The following ANKRD13C variants were observed in gnomAD, a reference collection of about 807,000 sequenced individuals.
ANKRD13C encodes ankyrin repeat domain 13C, also known as ankyrin repeat domain-containing protein 13C.
Under a neutral mutation model 65.5 loss-of-function variants are expected in ANKRD13C, and 16 were observed. The ratio of observed to expected loss-of-function variants is 0.24; its 90% confidence interval spans 0.17 to 0.37. The LOEUF (loss-of-function observed/expected upper bound fraction) is 0.37, where lower values mean the gene tolerates loss of function less well. Ranked by LOEUF, ANKRD13C falls within the 10% of genes least tolerant of loss-of-function variation. ANKRD13C has a pLI of 1.00. For synonymous variants in ANKRD13C, 235 were observed against 238.7 expected (o/e 0.98, Z 0.14); for missense variants, 503 against 655.9 (o/e 0.77, Z 2.55).
intron 11 of ANKRD13C, among the ~76,000 whole-genome samples, chr1:70,272,377 C>T (rs1572025672): frequency 1.3e-5 from 2 of 151,854 alleles, no homozygotes; most frequent in South Asian, 4.2e-4. Flanking sequence ...TGCACCACCA[C>T]ACCCGGCCAA....
At chr1:70,274,473 C>CAAAAAAAAAAAAAAAAAA (rs769480539) in intron 11 of ANKRD13C, among the ~76,000 whole-genome samples, 1 of 38,666 alleles carries the variant, frequency 2.6e-5, no homozygotes, top group Non-Finnish European at 5.6e-5. Flanking sequence ...GACTCCATCT[C>CAAAAAAAAAAAAAAAAAA]AAAAAAAAAA....
chr1:70,315,774 T>TCCA (rs1681048194), intron 3 of ANKRD13C, among the ~76,000 whole-genome samples: 1 of 152,130 alleles, frequency 6.6e-6, no homozygotes. Context: ...GAAGGCCTCT[T>TCCA]GGAACAGTAA....
intron 1 of ANKRD13C, among the ~76,000 whole-genome samples, chr1:70,346,624 C>G (rs1682536807): frequency 1.3e-5 from 2 of 152,148 alleles, no homozygotes; most frequent in African/African-American, 4.8e-5. Flanking sequence ...TCTGCATTCT[C>G]TCTCAAAAAT....
At chr1:70,340,050 A>G (rs1682243725) in intron 1 of ANKRD13C, among the ~76,000 whole-genome samples, 1 of 151,710 alleles carries the variant, frequency 6.6e-6, no homozygotes, top group South Asian at 2.1e-4. Context: ...ATGTCTCACT[A>G]TGCTGCCCAA....
At chr1:70,273,023 A>AAAT (rs1020379848) in intron 11 of ANKRD13C, among the ~76,000 whole-genome samples, 12 of 150,596 alleles carry the variant, frequency 8.0e-5, no homozygotes, top group African/African-American at 2.0e-4. Context: ...ATAAATAAAT[A>AAAT]AAATAATAAA....
In ANKRD13C at chr1:70,296,122, G is replaced by A. The variant is rs1277519508; in HGVS notation, c.1053+8C>T. The A allele has an allele frequency of 1.1e-5, 18 of 1,610,952 alleles. No homozygotes were observed. The highest frequency in any genetic ancestry group is 1.5e-5 in the Non-Finnish European group (18 of 1,179,170). On this transcript the variant is annotated splice_region_variant and intron_variant, in intron 8 of 12. Coordinates refer to ENST00000370944, the MANE Select transcript of ANKRD13C (RefSeq NM_030816.5). ...GCTTAAAGTTTAAAAATCTAGATTT[G>A]CACATACTGTTTTATCTTCCCGAAA...
intron 2 of ANKRD13C, among the ~76,000 whole-genome samples, chr1:70,330,261 G>C (rs975330794): frequency 2.6e-5 from 4 of 152,040 alleles, no homozygotes; most frequent in African/African-American, 9.7e-5. Flanking sequence ...ATGAGGAATA[G>C]AAATCACACA....
chr1:70,339,101 T>C (rs1389599497), intron 1 of ANKRD13C, among the ~76,000 whole-genome samples: 3 of 151,684 alleles, frequency 2.0e-5, no homozygotes, highest in Non-Finnish European at 2.9e-5. Context: ...ATCCAGCTGC[T>C]TGGGAAGCCG....
intron 2 of ANKRD13C, among the ~76,000 whole-genome samples, chr1:70,329,782 T>G (rs1021112095): frequency 6.6e-6 from 1 of 151,170 alleles, no homozygotes; most frequent in African/African-American, 2.4e-5. Context: ...TATGACATAG[T>G]CTTATAATTT....
chr1:70,315,678 CATGT>C lies in ANKRD13C; in HGVS notation c.578-116_578-113del. ...ATACATGTACACATATATGCACGTG[CATGT>C]ATGTGTGTATGTGTATGTGTGTATC... is the stretch of plus-strand genomic sequence containing the variant. On this transcript the variant is annotated intron_variant, in intron 3 of 12. Transcript: ENST00000370944. 7.9e-6 allele frequency: 6 copies of C among 762,270 alleles called. No individual in the cohort carries two copies. The South Asian group carries it at 1.2e-4, about 16-fold the overall frequency. 47.2% of individuals were successfully genotyped at this position (762,270 alleles called of 1,614,324 possible).
chr1:70,293,508 CAA>C (rs1384602852), intron 8 of ANKRD13C: 1 of 975,220 alleles, frequency 1.0e-6, no homozygotes, highest in Non-Finnish European at 1.2e-6. Flanking sequence ...CCTTACCTGT[CAA>C]AGATTTAAGA....
intron 8 of ANKRD13C, among the ~76,000 whole-genome samples, chr1:70,293,961 GA>G (rs1679968053): frequency 6.6e-6 from 1 of 152,184 alleles, no homozygotes; most frequent in African/African-American, 2.4e-5. Flanking sequence ...TATAATGGCA[GA>G]AAACTGGACA....
At chr1:70,350,827 C>T (rs1572191381) in intron 1 of ANKRD13C, among the ~76,000 whole-genome samples, 1 of 152,184 alleles carries the variant, frequency 6.6e-6, no homozygotes, top group East Asian at 1.9e-4. Flanking sequence ...TTCCTTGCCT[C>T]TCTAGGCTTA....
At chr1:70,290,365 G>A (rs1438557990) in intron 9 of ANKRD13C, among the ~76,000 whole-genome samples, 1 of 152,110 alleles carries the variant, frequency 6.6e-6, no homozygotes, top group Non-Finnish European at 1.5e-5. Context: ...AGCAATTCAA[G>A]CCTCTTTGTA....
At chr1:70,317,176 T>G (rs1445383411) in intron 3 of ANKRD13C, among the ~76,000 whole-genome samples, 1 of 152,236 alleles carries the variant, frequency 6.6e-6, no homozygotes, top group South Asian at 2.1e-4. Flanking sequence ...CAATATATTT[T>G]AAAAAGCCAA....
chr1:70,287,947 C>T (rs989015606), intron 9 of ANKRD13C, among the ~76,000 whole-genome samples: 2 of 152,100 alleles, frequency 1.3e-5, no homozygotes, highest in Admixed American at 6.5e-5. Context: ...TGAGTTGAGG[C>T]GGTCAAGGCT....
intron 1 of ANKRD13C, among the ~76,000 whole-genome samples, chr1:70,345,195 C>T (rs143747206): frequency 7.2e-5 from 11 of 152,062 alleles, no homozygotes; most frequent in African/African-American, 1.2e-4. Flanking sequence ...TTTGGGAGGA[C>T]GAGGCAAGCA....
rs57312096 is a variant in ANKRD13C, at chr1:70,264,475, C to CAA, written c.1496-1630_1496-1629dup. On this transcript the variant is annotated intron_variant, in intron 12 of 12. Transcript: ENST00000370944. ...TGGGGAACAGAGCAAGACTCTATCT[C>CAA]AAAAAAAAAAAAAAAAAAAAAAAAA... Among the ~76,000 whole-genome samples the CAA allele has an allele frequency of 3.0e-3, 145 of 48,884 alleles. 3 individuals carry two copies. Among genetic ancestry groups the CAA allele is most frequent in the East Asian group, 9.5e-3 (14 of 1,472 alleles). The allele number at this position is 48,884 out of a possible 152,430, so 32.1% of individuals were successfully genotyped here. A position where few individuals can be genotyped will look rare whatever the true frequency, so the allele number is the denominator to read the frequency against.
At chr1:70,285,194 T>C (rs1294974491) in intron 9 of ANKRD13C, among the ~76,000 whole-genome samples, 2 of 143,062 alleles carry the variant, frequency 1.4e-5, no homozygotes, top group African/African-American at 5.3e-5. Context: ...TGTCTTTTTT[T>C]TTTTTTTTTT....
Sources: allele counts gnomAD v4.1 joint callset (sites outside exome capture counted in the v4.1 genomes callset), GRCh38; gene constraint gnomAD v4.1.1; transcripts MANE v1.5; gene names NCBI Gene and HGNC (gene_info 2026-07-23, HGNC 2026-07-21).